Variants in MED13 observed in about 807,000 individuals in gnomAD.
MED13 encodes the protein mediator of RNA polymerase II transcription subunit 13.
MED13 carries 23 observed loss-of-function variants against 225.2 expected under a neutral mutation model. The ratio of observed to expected loss-of-function variants is 0.10; its 90% CI spans 0.07 to 0.14. The LOEUF (loss-of-function observed/expected upper bound fraction) is 0.14, where lower values mean the gene tolerates loss of function less well. Ranked by LOEUF, MED13 falls within the 10% of genes least tolerant of loss-of-function variation. The pLI is 1.00. For missense variants in MED13, 2,197 were observed against 2,594.5 expected, an observed-to-expected ratio of 0.85 and a Z score of 3.33; for synonymous variants, 942 against 889.2, an observed-to-expected ratio of 1.06 and a Z score of -1.06.
chr17:61,992,940 T>A (rs2080312978), intron 10 of MED13, among the ~76,000 whole-genome samples: 1 of 152,184 alleles, frequency 6.6e-6, no homozygotes, highest in Non-Finnish European at 1.5e-5. Context: ...CTAATTTTTG[T>A]ATTTTTAGTA....
In MED13 at chr17:61,962,813, C is replaced by T. The variant is rs2080013837; in HGVS notation, c.5003G>A (p.Arg1668Gln). The T allele has an allele frequency of 2.5e-6, 4 of 1,614,116 alleles. No individual in the cohort carries two copies. Among genetic ancestry groups the T allele is most frequent in the African/African-American group, 2.7e-5 (2 of 75,032 alleles). ...AGTCTGGACCATTTCTAGAAAGCAT[C>T]GAAGTAGCCCCAATGTCCACACACT... ...SSSVWTLGLL[R>Q]CFLEMVQTLP... The change falls in exon 21 of 30, where the codon CGA becomes CAA. Residue 1668 changes from arginine to glutamine, a missense_variant. Around this residue, in one of 12 missense-constraint regions of MED13, gnomAD observed 457 missense variants for 442.2 expected, o/e 1.03. Transcript: ENST00000397786.
intron 8 of MED13, among the ~76,000 whole-genome samples, chr17:62,015,052 G>A (rs376589457): frequency 2.0e-5 from 3 of 152,140 alleles, no homozygotes; most frequent in Non-Finnish European, 2.9e-5. Flanking sequence ...TTTACCAACC[G>A]AGTCAATGTC....
At chr17:61,978,981 G>A (rs555245322) in intron 16 of MED13, among the ~76,000 whole-genome samples, 1 of 152,028 alleles carries the variant, frequency 6.6e-6, no homozygotes, top group Non-Finnish European at 1.5e-5. Flanking sequence ...TACCAAAAAC[G>A]ATCTTATTAA....
intron 9 of MED13, among the ~76,000 whole-genome samples, chr17:62,002,570 T>G (rs548498731): frequency 1.3e-5 from 2 of 151,254 alleles, no homozygotes; most frequent in East Asian, 3.9e-4. Context: ...GAACATCATC[T>G]AACTTTGTCA....
intron 3 of MED13, among the ~76,000 whole-genome samples, chr17:62,036,116 A>G (rs1415923900): frequency 6.6e-6 from 1 of 151,604 alleles, no homozygotes. Context: ...AAGAAAAAAA[A>G]AGTTTTATTT....
chr17:62,030,847 G>T (rs1339688080), intron 6 of MED13: 1 of 152,178 alleles, frequency 6.6e-6, no homozygotes, highest in Non-Finnish European at 1.5e-5. Context: ...GCGTTTTGCT[G>T]AAAATAAGCA....
chr17:62,052,569 A>G lies in MED13; in HGVS notation c.438T>C (p.Pro146=). The G allele has an allele frequency of 6.3e-7, 1 of 1,588,934 alleles. No homozygotes were observed. The highest frequency in any genetic ancestry group is 8.6e-7 in the Non-Finnish European group (1 of 1,168,250). The change falls in exon 3 of 30, where the codon CCT becomes CCC. Residue 146 remains proline (P), a synonymous_variant. Transcript: ENST00000397786. Reference sequence around the variant, plus strand: ...TTATAGGTTTTTCATCTTTTTCATAAGGCTTTACAAACCACTTGCCAATAC... The same window carrying G: ...TTATAGGTTTTTCATCTTTTTCATAGGGCTTTACAAACCACTTGCCAATAC... ...FVRIGKWFVK[P]YEKDEKPINK...
rs755368821 is a variant in MED13 at position 61,982,187 on chromosome 17, G to C, written c.3805+11C>G. On this transcript the variant is annotated intron_variant, in intron 16 of 29. Transcript: ENST00000397786. ...AAGCAAACAAAAAAGTATTTTATTG[G>C]CATACTTTACCGTTTCTTTTGGACC... 2 of 1,582,028 alleles carry C rather than the reference G, an allele frequency of 1.3e-6. No homozygotes were observed. Among genetic ancestry groups the C allele is most frequent in the Non-Finnish European group, 1.7e-6 (2 of 1,165,102 alleles).
chr17:61,956,034 C>G (rs1400248466), intron 24 of MED13, among the ~76,000 whole-genome samples, 196 bp from the exon 25 acceptor site: 1 of 152,050 alleles, frequency 6.6e-6, no homozygotes, highest in Non-Finnish European at 1.5e-5. Flanking sequence ...TCTTTATCCC[C>G]CTAATATTAG....
chr17:62,015,942 ATATATATATATATTTTTTTTTTT>A lies in MED13; in HGVS notation c.1284-4732_1284-4710del, dbSNP rs1468793781. ...TATATATATATATATATATATATAT[ATATATATATATATTTTTTTTTTT>A]TTTTTTTTTTTTTTTTTTAGTAGAG... On this transcript the variant is annotated intron_variant, in intron 8 of 29. Transcript: ENST00000397786. Among the ~76,000 whole-genome samples the A allele has an allele frequency of 3.0e-3, 30 of 10,036 alleles. 2 individuals carry two copies. Among genetic ancestry groups the A allele is most frequent in the South Asian group, 8.6e-3 (2 of 232 alleles). The allele number at this position is 10,036 out of a possible 152,430, so 6.6% of individuals were successfully genotyped here.
At chr17:62,029,701 A>G in intron 7 of MED13, 50 bp from the exon 8 acceptor site, 5 of 1,564,202 alleles carry the variant, frequency 3.2e-6, no homozygotes, top group Non-Finnish European at 4.4e-6. Context: ...ATTTTCTATC[A>G]AACCTCAATG....
chr17:61,977,730 G>A (rs192963975), intron 16 of MED13, among the ~76,000 whole-genome samples: 30 of 152,290 alleles, frequency 2.0e-4, no homozygotes, highest in African/African-American at 7.2e-4. Context: ...TTACAGGCAT[G>A]AGCCACCGTG....
chr17:61,949,554 A>G (rs2079879451), intron 28 of MED13, among the ~76,000 whole-genome samples: 1 of 152,112 alleles, frequency 6.6e-6, no homozygotes, highest in African/African-American at 2.4e-5. Flanking sequence ...ATCACGATGA[A>G]TCTGAGAGTC....
intron 24 of MED13, 148 bp from the exon 25 acceptor site, chr17:61,955,986 A>G (rs996987107): frequency 7.9e-7 from 1 of 1,266,752 alleles, no homozygotes; most frequent in Non-Finnish European, 1.0e-6. Flanking sequence ...ACGAGTCATC[A>G]TCAAGCCAAA....
chr17:61,975,194 T>C (rs888217103), intron 16 of MED13, among the ~76,000 whole-genome samples: 1 of 150,398 alleles, frequency 6.6e-6, no homozygotes, highest in Admixed American at 6.6e-5. Flanking sequence ...TATATGCAAA[T>C]CACACATGTG....
At position 61,950,983 on chromosome 17, in the gene MED13, G is replaced by C. The variant is rs746654847; in HGVS notation, c.6133C>G (p.Arg2045Gly). Reference sequence around the variant, plus strand: ...TCATGAGGTTCTGTTGATAGTAGCCGATCAGTACTCTGACCCTTAAAAAGA... The same window carrying C: ...TCATGAGGTTCTGTTGATAGTAGCCCATCAGTACTCTGACCCTTAAAAAGA... ...GDAGKGQSTD[R>G]LLSTEPHEEV... is the part of the protein sequence containing the mutation. Residue 2045 changes from arginine to glycine, a missense_variant, in exon 28 of 30, where the codon CGG (arginine) becomes GGG (glycine). Coordinates refer to ENST00000397786, the MANE Select transcript of MED13 (RefSeq NM_005121.3). The C allele has an allele frequency of 3.7e-6, 6 of 1,612,824 alleles. No homozygotes were observed. The highest frequency in any genetic ancestry group is 1.1e-5 in the South Asian group (1 of 90,890).
chr17:61,962,485 T>C lies in MED13; in HGVS notation c.5064+267A>G, dbSNP rs191980722. On this transcript the variant is annotated intron_variant, in intron 21 of 29. Coordinates refer to ENST00000397786, the MANE Select transcript of MED13 (RefSeq NM_005121.3). ...CATTTTTCTATTTAGGCTCATGAAT[T>C]TAAAAATTGGCTTATAAAAGTAACA... Among the ~76,000 whole-genome samples the C allele has an allele frequency of 1.3e-5, 2 of 152,342 alleles. 1 individual carries two copies. Among genetic ancestry groups the C allele is most frequent in the Admixed American group, 1.3e-4 (2 of 15,312 alleles).
At chr17:62,024,245 T>C (rs1029829488) in intron 8 of MED13, among the ~76,000 whole-genome samples, 13 of 152,184 alleles carry the variant, frequency 8.5e-5, no homozygotes, top group Non-Finnish European at 7.3e-5. Context: ...CTTGAACTCC[T>C]GACCTCACGT....
At chr17:62,038,141 T>C (rs1304147220) in intron 3 of MED13, among the ~76,000 whole-genome samples, 2 of 152,058 alleles carry the variant, frequency 1.3e-5, no homozygotes, top group East Asian at 3.9e-4. Flanking sequence ...ATGCCTGTTA[T>C]CTCAGCACTT....
Sources: gnomAD v4.1 joint callset for allele counts (sites outside exome capture counted in the v4.1 genomes callset) on GRCh38, gnomAD v4.1.1 for gene constraint, gnomAD v4.1.1 regional missense constraint, MANE v1.5 for transcripts, NCBI Gene and HGNC (gene_info 2026-07-23, HGNC 2026-07-21) for gene names.